STARD13: variants seen among roughly 807,000 people sequenced by gnomAD.
STARD13 encodes StAR related lipid transfer domain containing 13.
A neutral mutation model predicts 106.4 loss-of-function variants in STARD13; 62 were observed. The observed-to-expected ratio is 0.58, with a 90% CI of 0.48 to 0.72. The LOEUF (loss-of-function observed/expected upper bound fraction) is 0.72, where lower values mean the gene tolerates loss of function less well. STARD13 is among the 30% of genes least tolerant of loss of function. The pLI is 0.00. For synonymous variants in STARD13, 565 were observed against 553.0 expected, an observed-to-expected ratio of 1.02 and a Z score of -0.31; for missense variants, 1,387 against 1,424.0, an observed-to-expected ratio of 0.97 and a Z score of 0.42.
At chr13:33,402,238 A>G in the STARD13 span, among the ~76,000 whole-genome samples, 1 of 152,266 alleles carries the variant, frequency 6.6e-6, no homozygotes, top group Admixed American at 6.5e-5. Flanking sequence ...TCACCAAGAT[A>G]GCAATGACAC....
At chr13:33,240,145 T>C (rs1236135085) in intron 1 of STARD13, among the ~76,000 whole-genome samples, 2 of 152,186 alleles carry the variant, frequency 1.3e-5, no homozygotes, top group Admixed American at 6.5e-5. Context: ...GAGACTGTCG[T>C]TTTCTCATTA....
intron 1 of STARD13, among the ~76,000 whole-genome samples, chr13:33,299,185 A>G (rs1892617329): frequency 6.6e-6 from 1 of 152,224 alleles, no homozygotes; most frequent in South Asian, 2.1e-4. Flanking sequence ...GGTGTGTTGT[A>G]GGATTTGTGT....
chr13:33,295,276 A>G (rs1012879287), intron 1 of STARD13, among the ~76,000 whole-genome samples: 2 of 152,162 alleles, frequency 1.3e-5, no homozygotes, highest in African/African-American at 2.4e-5. Flanking sequence ...GAAGAGCACT[A>G]CAAATTTGAG....
the STARD13 span, among the ~76,000 whole-genome samples, chr13:33,397,572 C>G: frequency 6.6e-6 from 1 of 152,154 alleles, no homozygotes; most frequent in Admixed American, 6.6e-5. Context: ...AAATTTCAGG[C>G]CCTTCACAGA....
rs769099322 is a variant in STARD13 at position 33,112,924 on chromosome 13, G to A, written c.2289C>T (p.Ser763=). The part of the protein sequence containing the change: ...ETFLHIYQYV[S]KEQRLQAVQA... ...GCACGGCCTGCAGCCGCTGCTCTTT[G>A]GAGACATCTGAGGAAAAGTGGATGC... The change falls in exon 9 of 14, where the codon TCC becomes TCT. Residue 763 remains serine, a synonymous_variant. Coordinates refer to ENST00000336934, the MANE Select transcript of STARD13 (RefSeq NM_178006.4). 1.2e-6 allele frequency: 2 copies of A among 1,605,438 alleles called. No individual in the cohort carries two copies. Among genetic ancestry groups the A allele is most frequent in the East Asian group, 2.2e-5 (1 of 44,796 alleles).
At chr13:33,481,978 G>A in the STARD13 span, among the ~76,000 whole-genome samples, 26 of 143,884 alleles carry the variant, frequency 1.8e-4, no homozygotes, top group African/African-American at 5.2e-4. Context: ...GCGAGACTCC[G>A]TCTCGAAAAA....
chr13:33,331,385 C>G (rs1386365464), intron 1 of STARD13, among the ~76,000 whole-genome samples: 1 of 151,888 alleles, frequency 6.6e-6, no homozygotes, highest in Non-Finnish European at 1.5e-5. Flanking sequence ...GGGTTTTGCT[C>G]TTTGTTGTCC....
chr13:33,144,324 A>T (rs1283417982), intron 3 of STARD13, among the ~76,000 whole-genome samples: 1 of 152,128 alleles, frequency 6.6e-6, no homozygotes, highest in Non-Finnish European at 1.5e-5. Context: ...CACAATCTAC[A>T]TTCGTTGATC....
the STARD13 span, among the ~76,000 whole-genome samples, chr13:33,647,678 T>C: frequency 0.036 from 5,460 of 152,306 alleles, 469 homozygotes; most frequent in East Asian, 0.19. Context: ...CTGTTCATAA[T>C]GTGGTTATGT....
At chr13:33,517,777 T>G in the STARD13 span, among the ~76,000 whole-genome samples, 2 of 152,180 alleles carry the variant, frequency 1.3e-5, no homozygotes, top group Non-Finnish European at 2.9e-5. Context: ...TTTGCCATTC[T>G]TTTTACGCTT....
At chr13:33,671,428 CAT>C in the STARD13 span, among the ~76,000 whole-genome samples, 3 of 152,176 alleles carry the variant, frequency 2.0e-5, no homozygotes, top group African/African-American at 7.2e-5. Flanking sequence ...CAGTAAAATG[CAT>C]ATGTTATTTT....
the STARD13 span, among the ~76,000 whole-genome samples, chr13:33,403,128 G>A: frequency 3.3e-5 from 5 of 152,222 alleles, no homozygotes; most frequent in African/African-American, 9.6e-5. Flanking sequence ...CTGCAGGAGC[G>A]GAGCCCAGAG....
the STARD13 span, among the ~76,000 whole-genome samples, chr13:33,568,471 A>G: frequency 1.3e-5 from 2 of 148,180 alleles, no homozygotes; most frequent in African/African-American, 2.5e-5. Flanking sequence ...TCTTAAATAT[A>G]TCTGTCCCAG....
chr13:33,500,908 T>C, the STARD13 span, among the ~76,000 whole-genome samples: 5 of 152,016 alleles, frequency 3.3e-5, no homozygotes, highest in Non-Finnish European at 7.4e-5. Context: ...CCAACTTGTA[T>C]TAAGGATTCT....
intron 4 of STARD13, among the ~76,000 whole-genome samples, chr13:33,133,129 T>C (rs2138188401): frequency 6.6e-6 from 1 of 152,300 alleles, no homozygotes; most frequent in Non-Finnish European, 1.5e-5. Context: ...CAACATTTAG[T>C]GTTGGCCCCA....
At chr13:33,660,855 A>G in the STARD13 span, among the ~76,000 whole-genome samples, 3 of 152,176 alleles carry the variant, frequency 2.0e-5, no homozygotes, top group Admixed American at 2.0e-4. Flanking sequence ...ACGTGCTGGG[A>G]TTCTAGATGT....
chr13:33,481,896 C>G, the STARD13 span, among the ~76,000 whole-genome samples: 1 of 150,452 alleles, frequency 6.6e-6, no homozygotes, highest in East Asian at 2.0e-4. Context: ...GGCAGGAGAA[C>G]AGCGTGAACC....
At chr13:33,412,338 C>G in the STARD13 span, among the ~76,000 whole-genome samples, 1 of 151,552 alleles carries the variant, frequency 6.6e-6, no homozygotes, top group Admixed American at 6.6e-5. Flanking sequence ...AACGAGATAC[C>G]CTCAAAAACA....
chr13:33,335,273 T>C (rs1278283394), intron 1 of STARD13: 1 of 152,232 alleles, frequency 6.6e-6, no homozygotes, highest in Non-Finnish European at 1.5e-5. Context: ...TGTAATGCGC[T>C]AGAGAAAAAA....
Sources: allele counts gnomAD v4.1 joint callset (sites outside exome capture counted in the v4.1 genomes callset), GRCh38; gene constraint gnomAD v4.1.1; transcripts MANE v1.5; gene names NCBI Gene and HGNC (gene_info 2026-07-23, HGNC 2026-07-21).